MYO5B: variants seen among roughly 807,000 people sequenced by gnomAD.
MYO5B encodes unconventional myosin-Vb.
A neutral mutation model predicts 229.3 loss-of-function variants in MYO5B; 143 were observed. The observed-to-expected ratio is 0.62, with a 90% confidence interval of 0.54 to 0.72. MYO5B has a LOEUF of 0.72. MYO5B is among the 30% of genes least tolerant of loss of function. The pLI is 0.00. For synonymous variants in MYO5B, 918 were observed against 885.2 expected, an observed-to-expected ratio of 1.04 and a Z score of -0.66; for missense variants, 2,321 against 2,331.0, an observed-to-expected ratio of 1.00 and a Z score of 0.09.
Position 49,879,105 on chromosome 18 carries a change from G to C in MYO5B, c.3131-15C>G. 6.2e-7 allele frequency: 1 copy of C among 1,614,112 alleles called. No individual in the cohort carries two copies. The highest frequency in any genetic ancestry group is 8.5e-7 in the Non-Finnish European group (1 of 1,180,004). On this transcript the variant is annotated splice_polypyrimidine_tract_variant and intron_variant, in intron 23 of 39. Coordinates refer to ENST00000285039, the MANE Select transcript of MYO5B (RefSeq NM_001080467.3). ...GGCAAATTCATCTGGAAAGCAACAC[G>C]CTAAGCTGCAGTTTTTCTGGATGGA...
chr18:50,166,538 T>C (rs2032854911), intron 1 of MYO5B, among the ~76,000 whole-genome samples: 1 of 152,204 alleles, frequency 6.6e-6, no homozygotes, highest in Admixed American at 6.5e-5. Flanking sequence ...ACAGTTGACC[T>C]TAAAGCATTA....
intron 22 of MYO5B, among the ~76,000 whole-genome samples, chr18:49,886,764 C>T (rs1029951451): frequency 1.3e-5 from 2 of 152,014 alleles, no homozygotes; most frequent in African/African-American, 2.4e-5. Flanking sequence ...AAGCACCGAC[C>T]GAGAGTGACG....
chr18:49,946,923 G>C (rs533481703), intron 14 of MYO5B, among the ~76,000 whole-genome samples: 66 of 152,174 alleles, frequency 4.3e-4, no homozygotes, highest in African/African-American at 1.5e-3. Flanking sequence ...AAGACTAAGA[G>C]ATACCATGTT....
chr18:50,064,616 G>A (rs927847738), intron 1 of MYO5B, among the ~76,000 whole-genome samples: 10 of 152,190 alleles, frequency 6.6e-5, no homozygotes, highest in African/African-American at 2.2e-4. Context: ...ATCCATTTCT[G>A]ATTCTATCAC....
At chr18:50,077,671 AAAG>A (rs1247115853) in intron 1 of MYO5B, among the ~76,000 whole-genome samples, 3 of 152,226 alleles carry the variant, frequency 2.0e-5, no homozygotes, top group African/African-American at 7.2e-5. Flanking sequence ...TACACCTGAC[AAAG>A]AAGCTTTATC....
chr18:49,843,489 C>T (rs1258571748), intron 33 of MYO5B, 97 bp from the exon 34 acceptor site: 6 of 1,434,720 alleles, frequency 4.2e-6, no homozygotes, highest in Non-Finnish European at 5.9e-6. Flanking sequence ...TTCAATATTT[C>T]CCCATAGCTC....
intron 4 of MYO5B, among the ~76,000 whole-genome samples, chr18:50,009,297 G>C (rs915905450): frequency 6.6e-6 from 1 of 152,162 alleles, no homozygotes; most frequent in African/African-American, 2.4e-5. Context: ...AGAACTGCTT[G>C]AGCCCGGGAG....
intron 29 of MYO5B, among the ~76,000 whole-genome samples, chr18:49,862,336 G>A (rs1419465039): frequency 6.6e-6 from 1 of 152,174 alleles, no homozygotes; most frequent in Admixed American, 6.5e-5. Context: ...AGGGGCATGA[G>A]GAAGCAGATG....
intron 27 of MYO5B, chr18:49,871,626 T>C (rs9963703): frequency 0.23 from 42,732 of 188,848 alleles, 5,157 homozygotes; most frequent in East Asian, 0.38. Flanking sequence ...TAACAGACTG[T>C]GAACAGTCCA....
chr18:49,977,671 C>G (rs2025766843), intron 9 of MYO5B, among the ~76,000 whole-genome samples: 2 of 152,174 alleles, frequency 1.3e-5, no homozygotes, highest in South Asian at 4.1e-4. Flanking sequence ...TGGGCCCTGT[C>G]CCACCTTTGC....
At chr18:50,101,891 C>T (rs1217416259) in intron 1 of MYO5B, among the ~76,000 whole-genome samples, 1 of 152,080 alleles carries the variant, frequency 6.6e-6, no homozygotes, top group Non-Finnish European at 1.5e-5. Context: ...TGGGTATATA[C>T]CCAAAGGAAT....
At chr18:50,014,505 G>A (rs931694772) in intron 4 of MYO5B, among the ~76,000 whole-genome samples, 1 of 152,120 alleles carries the variant, frequency 6.6e-6, no homozygotes, top group Non-Finnish European at 1.5e-5. Context: ...TGTGTAAGGT[G>A]CCATCAGATT....
Position 50,157,175 on chromosome 18 carries a change from G to A in MYO5B, c.27+37592C>T, listed in dbSNP as rs551467926. On this transcript the variant is annotated intron_variant, in intron 1 of 39. Transcript: ENST00000285039. ...GGCTGGAGTGCAGTGGCGTGATCTC[G>A]GCTCACTGCAACCTCCACCTCCTGG... Among the ~76,000 whole-genome samples the A allele has an allele frequency of 4.3e-4, 65 of 151,532 alleles. No homozygotes were observed. In the South Asian group the frequency reaches 0.013, roughly 30 times the overall value.
intron 1 of MYO5B, among the ~76,000 whole-genome samples, chr18:50,175,441 T>A (rs1194233217): frequency 2.6e-5 from 4 of 152,256 alleles, no homozygotes; most frequent in Non-Finnish European, 5.9e-5. Context: ...AACTATTTTC[T>A]ACTGAATCAG....
chr18:50,043,550 A>G (rs2030124940), intron 2 of MYO5B, among the ~76,000 whole-genome samples: 1 of 126,268 alleles, frequency 7.9e-6, no homozygotes, highest in Non-Finnish European at 1.6e-5. Flanking sequence ...ATAAATATAA[A>G]TGTATTTATA....
At chr18:49,836,263 G>T (rs565422826) in intron 38 of MYO5B, among the ~76,000 whole-genome samples, 2 of 152,164 alleles carry the variant, frequency 1.3e-5, no homozygotes, top group Non-Finnish European at 2.9e-5. Context: ...ATATAAATGA[G>T]TGTGAGTGAA....
At chr18:50,037,695 T>C (rs2029887069) in intron 3 of MYO5B, among the ~76,000 whole-genome samples, 1 of 151,918 alleles carries the variant, frequency 6.6e-6, no homozygotes, top group South Asian at 2.1e-4. Flanking sequence ...AGGCCAGGAG[T>C]TTGAGACCAG....
At chr18:50,159,792 C>T (rs184554354) in intron 1 of MYO5B, among the ~76,000 whole-genome samples, 1 of 152,310 alleles carries the variant, frequency 6.6e-6, no homozygotes, top group Admixed American at 6.5e-5. Flanking sequence ...TTAGTCTCCT[C>T]CTGCATCCTC....
intron 1 of MYO5B, among the ~76,000 whole-genome samples, chr18:50,113,522 AG>A (rs1391951283): frequency 6.6e-6 from 1 of 152,264 alleles, no homozygotes; most frequent in Non-Finnish European, 1.5e-5. Flanking sequence ...TATTAAAGTT[AG>A]GAAGCTGCTA....
Sources: gnomAD v4.1 joint callset for allele counts (sites outside exome capture counted in the v4.1 genomes callset) on GRCh38, gnomAD v4.1.1 for gene constraint, MANE v1.5 for transcripts, NCBI Gene and HGNC (gene_info 2026-07-23, HGNC 2026-07-21) for gene names.